The following FMN1 variants were observed in gnomAD, a reference collection of about 807,000 sequenced individuals.
The protein encoded by FMN1 is formin-1.
Under a neutral mutation model 132.4 loss-of-function variants are expected in FMN1, and 110 were observed. The observed-to-expected ratio is 0.83, with a 90% CI of 0.71 to 0.97. The LOEUF (loss-of-function observed/expected upper bound fraction) is 0.97, where lower values mean the gene tolerates loss of function less well. Among genes scored for constraint, FMN1 ranks in the 50% least tolerant of loss-of-function variants. FMN1 has a pLI of 0.00. For missense variants in FMN1, 1,792 were observed against 1,705.3 expected (o/e 1.05, Z -0.90); for synonymous variants, 722 against 651.7 (o/e 1.11, Z -1.64).
chr15:33,148,126 C>G (rs1360769581), intron 4 of FMN1, among the ~76,000 whole-genome samples: 1 of 152,156 alleles, frequency 6.6e-6, no homozygotes. Context: ...TACCACTGTT[C>G]TATAACAAAA....
At chr15:33,124,345 C>T (rs1014423054) in intron 4 of FMN1, among the ~76,000 whole-genome samples, 3 of 152,174 alleles carry the variant, frequency 2.0e-5, no homozygotes, top group Non-Finnish European at 4.4e-5. Context: ...GCTGTTATAG[C>T]CTCTCCGGGC....
At chr15:33,034,425 A>G (rs889442993) in intron 6 of FMN1, among the ~76,000 whole-genome samples, 14 of 152,216 alleles carry the variant, frequency 9.2e-5, no homozygotes, top group South Asian at 2.1e-4. Context: ...AGTAAAAAAA[A>G]AATTAGCTTG....
chr15:33,073,665 T>C (rs1832101323), intron 5 of FMN1, among the ~76,000 whole-genome samples: 1 of 151,910 alleles, frequency 6.6e-6, no homozygotes, highest in Non-Finnish European at 1.5e-5. Context: ...TATGGAATAA[T>C]TTGGGTAGAA....
chr15:32,927,868 C>T (rs896332592), intron 9 of FMN1, among the ~76,000 whole-genome samples: 4 of 152,220 alleles, frequency 2.6e-5, no homozygotes, highest in African/African-American at 9.6e-5. Flanking sequence ...GGCTGAACAG[C>T]TGTGCTTTCC....
chr15:33,064,151 G>A (rs1256898314), intron 6 of FMN1: 2 of 152,138 alleles, frequency 1.3e-5, no homozygotes, highest in Non-Finnish European at 2.9e-5. Flanking sequence ...ATGGAAAGAA[G>A]TTATTTTTCT....
rs868225023 is a variant in FMN1 at position 33,078,732 on chromosome 15, G to A, written c.2043+10067C>T. Among the ~76,000 whole-genome samples the A allele has an allele frequency of 5.9e-5, 9 of 151,966 alleles. No individual in the cohort carries two copies. In the South Asian group the frequency reaches 8.3e-4, roughly 14 times the overall value. On this transcript the variant is annotated intron_variant, in intron 5 of 20. Coordinates refer to ENST00000616417, the MANE Select transcript of FMN1 (RefSeq NM_001277313.2). ...AAACAGTCAGTATGCAAAGGCTACT[G>A]CATTTCAAATTCTAAATAGCTCATA... is the stretch of plus-strand genomic sequence containing the variant.
intron 14 of FMN1, 137 bp from the exon 15 acceptor site, chr15:32,899,030 CT>C: frequency 1.6e-6 from 1 of 622,512 alleles, no homozygotes; most frequent in Non-Finnish European, 2.9e-6. Context: ...CAAGGTTTTC[CT>C]TCCTCTGCTT....
intron 4 of FMN1, among the ~76,000 whole-genome samples, chr15:33,146,100 C>T (rs1056810439): frequency 6.6e-6 from 1 of 151,740 alleles, no homozygotes; most frequent in African/African-American, 2.4e-5. Flanking sequence ...TTCAGCCTCC[C>T]GAGTAACTGG....
At chr15:32,781,215 A>G (rs1221428268) in intron 19 of FMN1, among the ~76,000 whole-genome samples, 1 of 152,236 alleles carries the variant, frequency 6.6e-6, no homozygotes, top group Non-Finnish European at 1.5e-5. Flanking sequence ...TTAAAGATCT[A>G]TCAACTCAGA....
chr15:33,083,205 C>T (rs1248357915), intron 5 of FMN1, among the ~76,000 whole-genome samples: 2 of 152,104 alleles, frequency 1.3e-5, no homozygotes, highest in African/African-American at 2.4e-5. Flanking sequence ...GTGATAAGAG[C>T]CATAGAAGTA....
At chr15:32,903,726 A>C (rs1045117454) in intron 12 of FMN1, among the ~76,000 whole-genome samples, 2 of 152,224 alleles carry the variant, frequency 1.3e-5, no homozygotes, top group African/African-American at 4.8e-5. Flanking sequence ...CTAATCTCAA[A>C]AGAGGAAGCA....
chr15:32,813,518 G>A (rs866471149), intron 17 of FMN1, among the ~76,000 whole-genome samples: 13 of 152,076 alleles, frequency 8.5e-5, no homozygotes, highest in African/African-American at 1.9e-4. Context: ...TTGGCCTTCA[G>A]ACTTTATGAA....
chr15:32,943,463 G>A (rs2061440583), intron 9 of FMN1, among the ~76,000 whole-genome samples: 1 of 152,186 alleles, frequency 6.6e-6, no homozygotes, highest in South Asian at 2.1e-4. Flanking sequence ...AAGTAGATAT[G>A]CTACTGATGA....
chr15:33,079,976 A>ATCTG (rs1435784215), intron 5 of FMN1, among the ~76,000 whole-genome samples: 1 of 152,164 alleles, frequency 6.6e-6, no homozygotes, highest in South Asian at 2.1e-4. Context: ...CAGACACATG[A>ATCTG]TCTGTCTCTC....
chr15:32,918,902 G>A (rs914322027), intron 10 of FMN1, among the ~76,000 whole-genome samples: 3 of 152,154 alleles, frequency 2.0e-5, no homozygotes, highest in Admixed American at 6.5e-5. Flanking sequence ...GTAGGTGGGA[G>A]CCCCGCTGCT....
intron 17 of FMN1, among the ~76,000 whole-genome samples, chr15:32,821,937 T>G (rs1567222716): frequency 2.0e-5 from 3 of 152,226 alleles, no homozygotes; most frequent in Non-Finnish European, 4.4e-5. Flanking sequence ...ATTTCCACAT[T>G]ATCAAACACA....
At chr15:32,936,449 C>CA (rs2061273194) in intron 9 of FMN1, among the ~76,000 whole-genome samples, 1 of 152,146 alleles carries the variant, frequency 6.6e-6, no homozygotes, top group African/African-American at 2.4e-5. Flanking sequence ...TGTGAATTCC[C>CA]AATTAGAGGG....
chr15:32,822,699 T>C (rs1053791678), intron 17 of FMN1, among the ~76,000 whole-genome samples: 1 of 152,244 alleles, frequency 6.6e-6, no homozygotes, highest in Admixed American at 6.5e-5. Context: ...TTCTGGGAAG[T>C]AATGTTGCAT....
chr15:33,157,191 G>A (rs1367376530), intron 3 of FMN1, among the ~76,000 whole-genome samples: 1 of 151,542 alleles, frequency 6.6e-6, no homozygotes, highest in Non-Finnish European at 1.5e-5. Context: ...CTTGAACCCA[G>A]GAGGCCAAGG....
Sources: gnomAD v4.1 joint callset for allele counts (sites outside exome capture counted in the v4.1 genomes callset) on GRCh38, gnomAD v4.1.1 for gene constraint, MANE v1.5 for transcripts, NCBI Gene and HGNC (gene_info 2026-07-23, HGNC 2026-07-21) for gene names.